The following TNIP1 variants were observed in gnomAD, a reference collection of about 807,000 sequenced individuals.
TNIP1 encodes TNFAIP3-interacting protein 1.
TNIP1 carries 22 observed loss-of-function variants against 86.6 expected under a neutral mutation model. The ratio of observed to expected loss-of-function variants is 0.25; its 90% CI spans 0.18 to 0.36. TNIP1 has a LOEUF of 0.36. Ranked by LOEUF, TNIP1 falls within the 10% of genes least tolerant of loss-of-function variation. TNIP1 has a pLI of 1.00. For synonymous variants in TNIP1, 294 were observed against 313.0 expected (o/e 0.94, Z 0.64); for missense variants, 709 against 820.6 (o/e 0.86, Z 1.66).
chr5:151,073,890 C>A (rs943950344), intron 1 of TNIP1, among the ~76,000 whole-genome samples: 1 of 152,010 alleles, frequency 6.6e-6, no homozygotes, highest in South Asian at 2.1e-4. Flanking sequence ...CAGACTAATA[C>A]TCTGTCTCTT....
At position 151,035,084 on chromosome 5, in the gene TNIP1, G is replaced by C. The variant is rs576031137; in HGVS notation, c.1522-17C>G. 7.8e-5 allele frequency: 126 copies of C among 1,612,296 alleles called. No individual in the cohort carries two copies. The highest frequency in any genetic ancestry group is 1.5e-4 in the Admixed American group (9 of 59,890). The stretch of plus-strand genomic sequence containing the variant: ...TGCTTTTAGCTGAGAGAAGAAGGGA[G>C]GGAGAAAAGACTGTCGGCACAGGTG... On this transcript the variant is annotated splice_polypyrimidine_tract_variant and intron_variant, in intron 14 of 17. Coordinates refer to ENST00000521591, the MANE Select transcript of TNIP1 (RefSeq NM_006058.5).
Position 151,030,656 on chromosome 5 carries a change from A to C in TNIP1, c.*57T>G. On this transcript the variant is annotated 3_prime_UTR_variant, in exon 18 of 18. Coordinates refer to ENST00000521591, the MANE Select transcript of TNIP1 (RefSeq NM_006058.5). ...GCAAGTGGCTTCTAGTTTCTTGGCAATCTGAGATCAGCTGGCTCTGCAAGA... is the reference window on the plus strand; with the variant it reads ...GCAAGTGGCTTCTAGTTTCTTGGCACTCTGAGATCAGCTGGCTCTGCAAGA... 5 of 1,613,432 alleles carry C rather than the reference A, an allele frequency of 3.1e-6. No individual in the cohort carries two copies. The highest frequency in any genetic ancestry group is 4.2e-6 in the Non-Finnish European group (5 of 1,179,606).
upstream of TNIP1, among the ~76,000 whole-genome samples, chr5:151,084,091 G>T (rs1309058690): frequency 6.6e-6 from 1 of 152,200 alleles, no homozygotes; most frequent in Admixed American, 6.5e-5. Flanking sequence ...ATGCTCCAAA[G>T]TCTTGCCAGC....
rs762664203 is a variant in TNIP1 at position 151,032,353 on chromosome 5, C to A, written c.1810G>T (p.Gly604Trp). 36 of 1,614,024 alleles carry A rather than the reference C, an allele frequency of 2.2e-5. No individual in the cohort carries two copies. Among genetic ancestry groups the A allele is most frequent in the Non-Finnish European group, 3.1e-5 (36 of 1,180,018 alleles). Residue 604 changes from glycine to tryptophan, a missense_variant, in exon 17 of 18, where the codon GGG (glycine) becomes TGG (tryptophan). By Grantham distance (184) the Gly-to-Trp change is radical. Coordinates refer to ENST00000521591, the MANE Select transcript of TNIP1 (RefSeq NM_006058.5). ...GAGCTCTGATTTGGATTTCGAACCC[C>A]TCCACAGGGTAGACGCCAGGTGTAT... ...PEYTWRLPCG[G>W]VRNPNQSSQV...
chr5:151,050,289 C>A (rs781635550), intron 7 of TNIP1, among the ~76,000 whole-genome samples: 4 of 151,746 alleles, frequency 2.6e-5, no homozygotes, highest in African/African-American at 4.8e-5. Context: ...CTTGTGTAGA[C>A]CACGGAGACG....
rs540809526 is a variant in TNIP1 at position 151,035,156 on chromosome 5, G to A, written c.1522-89C>T. ...CAGGGCCTAACCAGCCACGAGGACT[G>A]ACCGGCTGATGCTTCCCTCTGGGCC... On this transcript the variant is annotated intron_variant, in intron 14 of 17. Transcript: ENST00000521591. 580 of 1,432,912 alleles carry A rather than the reference G, an allele frequency of 4.0e-4. 6 individuals carry two copies. The highest frequency in any genetic ancestry group is 2.8e-3 in the South Asian group (235 of 83,704). 88.8% of individuals were successfully genotyped at this position (1,432,912 alleles called of 1,614,324 possible).
At chr5:151,042,442 C>CG in intron 11 of TNIP1, 98 bp downstream of exon 11, 2 of 1,514,364 alleles carry the variant, frequency 1.3e-6, no homozygotes, top group Non-Finnish European at 1.8e-6. Context: ...ACTAGACCCC[C>CG]GGGTCTCCTG....
At chr5:151,057,369 G>C (rs1375928817) in intron 5 of TNIP1, among the ~76,000 whole-genome samples, 1 of 152,218 alleles carries the variant, frequency 6.6e-6, no homozygotes, top group African/African-American at 2.4e-5. Context: ...TGCACAGTCA[G>C]CCCTCCATAT....
Position 151,039,173 on chromosome 5 carries a change from T to C in TNIP1, c.1187A>G (p.Lys396Arg), listed in dbSNP as rs549675286. 26 of 1,614,006 alleles carry C rather than the reference T, an allele frequency of 1.6e-5. No homozygotes were observed. In the South Asian group the frequency reaches 2.5e-4, roughly 16 times the overall value. ...AEAKELRQKV[K>R]YLQDQLSPLT... ...TGGGCTCAGCTGATCCTGCAGGTAC[T>C]TGACCTTTTGGCGCAGCTCCTTGGC... Residue 396 changes from lysine (K) to arginine (R), a missense_variant, in exon 12 of 18, where the codon AAG becomes AGG. By Grantham distance (26) the Lys-to-Arg change is conservative (BLOSUM62 2). Transcript: ENST00000521591.
chr5:151,032,290 G>T lies in TNIP1; in HGVS notation c.1873C>A (p.Pro625Thr). ...MDPPTARPTE[P>T]ESPKNDREGP... is the part of the protein sequence containing the mutation. ...AGACTCAGTATTAGGGGCTCACCTG[G>T]TTCTGTAGGCCTGGCTGTGGGAGGG... Residue 625 changes from proline (P) to threonine (T), a missense_variant, in exon 17 of 18, where the codon CCA (proline) becomes ACA (threonine). Coordinates refer to ENST00000521591, the MANE Select transcript of TNIP1 (RefSeq NM_006058.5). 6.2e-7 allele frequency: 1 copy of T among 1,613,512 alleles called. No individual in the cohort carries two copies. Among genetic ancestry groups the T allele is most frequent in the Non-Finnish European group, 8.5e-7 (1 of 1,179,648 alleles).
intron 14 of TNIP1, 41 bp downstream of exon 14, chr5:151,035,541 A>G (rs774114863): frequency 4.3e-6 from 7 of 1,613,896 alleles, no homozygotes; most frequent in Non-Finnish European, 5.9e-6. Context: ...TCTCCCCACG[A>G]GGACAGGCCA....
chr5:151,041,204 G>A (rs1268423537), intron 11 of TNIP1, among the ~76,000 whole-genome samples: 8 of 151,838 alleles, frequency 5.3e-5, no homozygotes, highest in African/African-American at 1.5e-4. Flanking sequence ...CCGAGTAGCT[G>A]GGACTACAGA....
At chr5:151,080,598 C>CA (rs1763898948) in intron 1 of TNIP1, among the ~76,000 whole-genome samples, 1 of 152,248 alleles carries the variant, frequency 6.6e-6, no homozygotes, top group East Asian at 1.9e-4. Context: ...GCGCCGCCCG[C>CA]ACCCGGAGGG....
At chr5:151,084,444 CA>C (rs56889305), upstream of TNIP1, among the ~76,000 whole-genome samples, 121 of 132,416 alleles carry the variant, frequency 9.1e-4, no homozygotes, top group Middle Eastern at 3.9e-3. Context: ...GACTTCGTCT[CA>C]AAAAAAAAAA....
upstream of TNIP1, among the ~76,000 whole-genome samples, chr5:151,083,017 T>A (rs1764139539): frequency 6.6e-6 from 1 of 150,746 alleles, no homozygotes; most frequent in Non-Finnish European, 1.5e-5. Flanking sequence ...ACCAGGGCCT[T>A]GGAATCCAGG....
chr5:151,029,982 T>G lies in TNIP1; in HGVS notation c.*731A>C. 1 of 440,330 alleles carries G rather than the reference T, an allele frequency of 2.3e-6. No homozygotes were observed. Among genetic ancestry groups the G allele is most frequent in the African/African-American group, 2.0e-5 (1 of 49,804 alleles). The allele number at this position is 440,330 out of a possible 1,614,324, so 27.3% of individuals were successfully genotyped here. ...AACTTGGATTTATGTCCATGATTCGTGCAAATAGCTATCCAGGGATGGACA... is the reference window on the plus strand; with the variant it reads ...AACTTGGATTTATGTCCATGATTCGGGCAAATAGCTATCCAGGGATGGACA... On this transcript the variant is annotated 3_prime_UTR_variant, in exon 18 of 18. Coordinates refer to ENST00000521591, the MANE Select transcript of TNIP1 (RefSeq NM_006058.5).
intron 8 of TNIP1, among the ~76,000 whole-genome samples, chr5:151,047,230 C>A (rs1245845224): frequency 6.6e-6 from 1 of 152,218 alleles, no homozygotes; most frequent in Non-Finnish European, 1.5e-5. Context: ...CTGATGTACA[C>A]AGAACGTCAC....
At chr5:151,036,005 A>G (rs968419990) in intron 13 of TNIP1, among the ~76,000 whole-genome samples, 6 of 152,248 alleles carry the variant, frequency 3.9e-5, no homozygotes, top group African/African-American at 1.4e-4. Flanking sequence ...GCTGAGACCC[A>G]CAGGGGCAGT....
At chr5:151,050,960 A>G (rs1176140794) in intron 7 of TNIP1, among the ~76,000 whole-genome samples, 1 of 152,196 alleles carries the variant, frequency 6.6e-6, no homozygotes, top group Non-Finnish European at 1.5e-5. Flanking sequence ...TACAGGTGTG[A>G]GCCACAACGC....
Sources: allele counts gnomAD v4.1 joint callset (sites outside exome capture counted in the v4.1 genomes callset), GRCh38; gene constraint gnomAD v4.1.1; transcripts MANE v1.5; gene names NCBI Gene and HGNC (gene_info 2026-07-23, HGNC 2026-07-21).